ARVCF: variants seen among roughly 807,000 people sequenced by gnomAD.
The protein encoded by ARVCF is ARVCF delta catenin family member.
ARVCF carries 66 observed loss-of-function variants against 90.9 expected under a neutral mutation model. That is an observed-to-expected ratio of 0.73 (90% CI 0.60 to 0.89). The LOEUF (loss-of-function observed/expected upper bound fraction) is 0.89. Ranked by LOEUF, ARVCF falls within the 40% of genes least tolerant of loss-of-function variation. The pLI, the probability that ARVCF is intolerant of heterozygous loss-of-function variation, is 0.00. For synonymous variants in ARVCF, 653 were observed against 603.4 expected, an observed-to-expected ratio of 1.08 and a Z score of -1.21; for missense variants, 1,469 against 1,382.3, an observed-to-expected ratio of 1.06 and a Z score of -1.00.
chr22:19,969,719 G>C (rs1942637219), downstream of ARVCF: 5 of 548,424 alleles, frequency 9.1e-6, no homozygotes, highest in Non-Finnish European at 1.2e-5. Context: ...ACAGACCAGT[G>C]AGCCCAAGTG....
chr22:19,980,442 C>T, intron 5 of ARVCF, 200 bp from the exon 6 acceptor site: 6 of 777,280 alleles, frequency 7.7e-6, no homozygotes, highest in Non-Finnish European at 1.1e-5. Flanking sequence ...GAGCCAAATG[C>T]CAAACCCCAG....
chr22:19,990,809 C>A lies in ARVCF; in HGVS notation c.-15G>T. On this transcript the variant is annotated 5_prime_UTR_variant, in exon 3 of 20. Coordinates refer to ENST00000263207, the MANE Select transcript of ARVCF (RefSeq NM_001670.3). ...CAGTCCTCCATGACCAGAGCGCCCG[C>A]CAGCTGCAGGCAAAGCAGAGTAAGC... 6.5e-7 allele frequency: 1 copy of A among 1,546,816 alleles called. No homozygotes were observed. The highest frequency in any genetic ancestry group is 8.7e-7 in the Non-Finnish European group (1 of 1,143,564).
At chr22:19,967,528 CCT>C, downstream of ARVCF, 1 of 387,334 alleles carries the variant, frequency 2.6e-6, no homozygotes, top group Non-Finnish European at 5.1e-6. Context: ...ATGAAAGCCC[CCT>C]GCTTTCTCTG....
At chr22:19,968,522 C>CCG, downstream of ARVCF, 1 of 1,612,606 alleles carries the variant, frequency 6.2e-7, no homozygotes, top group South Asian at 1.1e-5. Flanking sequence ...CCCCACCCCC[C>CCG]GGTCTGTTTG....
At chr22:19,966,588 G>A (rs1236703582), downstream of ARVCF, among the ~76,000 whole-genome samples, 2 of 151,284 alleles carry the variant, frequency 1.3e-5, no homozygotes, top group Non-Finnish European at 2.9e-5. Flanking sequence ...CTAAAGGCAT[G>A]CACCACTACA....
At chr22:19,977,680 C>T (rs1025586162) in intron 8 of ARVCF, 94 bp from the exon 9 acceptor site, 82 of 1,447,670 alleles carry the variant, frequency 5.7e-5, no homozygotes, top group Non-Finnish European at 6.8e-5. Flanking sequence ...ATGAGGGCAC[C>T]GGGAGCAAAG....
At chr22:19,973,579 G>A (rs1942970921) in intron 13 of ARVCF, 64 bp downstream of exon 13, 2 of 1,552,010 alleles carry the variant, frequency 1.3e-6, no homozygotes, top group African/African-American at 2.7e-5. Context: ...AAGCCCCTCC[G>A]ATGGGACCCC....
intron 1 of ARVCF, among the ~76,000 whole-genome samples, chr22:20,016,082 C>CGAGGCGGCAGGAGCA (rs1945109116): frequency 6.6e-6 from 1 of 152,182 alleles, no homozygotes; most frequent in Non-Finnish European, 1.5e-5. Flanking sequence ...CTCTCACCCC[C>CGAGGCGGCAGGAGCA]GAGGCGGCAG....
chr22:19,969,019 T>C, downstream of ARVCF: 1 of 318,712 alleles, frequency 3.1e-6, no homozygotes, highest in Non-Finnish European at 6.0e-6. Flanking sequence ...AATCTAAATA[T>C]TTAGATATAA....
rs758305327 is a variant in ARVCF at position 19,981,718 on chromosome 22, G to A, written c.389C>T (p.Thr130Met). Reference protein sequence around the residue: ...TETKVTKTVKTVTTRTVRQVP... With the variant: ...TETKVTKTVKMVTTRTVRQVP... ...CTGGCGTACTGTCCGAGTGGTCACC[G>A]TCTTGACAGTCTTGGTGACCTGGTG... The change falls in exon 5 of 20, where the codon ACG becomes ATG. Residue 130 changes from threonine (T) to methionine (M), a missense_variant. Physicochemically the swap from Thr to Met is moderately conservative, Grantham distance 81. Transcript: ENST00000263207. 1.4e-5 allele frequency: 22 copies of A among 1,570,458 alleles called. No individual in the cohort carries two copies. The highest frequency in any genetic ancestry group is 6.8e-5 in the African/African-American group (5 of 73,808).
chr22:19,978,091 C>A lies in ARVCF; in HGVS notation c.1581-16G>T. On this transcript the variant is annotated splice_polypyrimidine_tract_variant and intron_variant, in intron 7 of 19. Transcript: ENST00000263207. ...GCTCACATTCCTGTGTGGCCAAGAG[C>A]AGGCCAGGTGACCCCTGGCTACCAG... 1 of 1,589,068 alleles carries A rather than the reference C, an allele frequency of 6.3e-7. No homozygotes were observed. The highest frequency in any genetic ancestry group is 8.6e-7 in the Non-Finnish European group (1 of 1,167,126).
chr22:19,998,692 C>T (rs895487866), intron 2 of ARVCF, among the ~76,000 whole-genome samples: 3 of 152,148 alleles, frequency 2.0e-5, no homozygotes, highest in African/African-American at 7.2e-5. Context: ...CAGGGGAGCT[C>T]CCGCCAGTCA....
intron 1 of ARVCF, among the ~76,000 whole-genome samples, chr22:20,015,171 G>A (rs534591329): frequency 6.6e-6 from 1 of 152,232 alleles, no homozygotes; most frequent in Non-Finnish European, 1.5e-5. Flanking sequence ...CTGGGCAGGG[G>A]CTGGCTTGGC....
At chr22:19,994,470 G>A (rs1944155125) in intron 2 of ARVCF, among the ~76,000 whole-genome samples, 1 of 131,826 alleles carries the variant, frequency 7.6e-6, no homozygotes. Flanking sequence ...ATGGATGGGT[G>A]GGTGGGGGGA....
chr22:19,979,517 G>T, intron 6 of ARVCF: 2 of 676,608 alleles, frequency 3.0e-6, no homozygotes, highest in Non-Finnish European at 4.8e-6. Flanking sequence ...GAGGGGACAT[G>T]CCCGAGGGGC....
downstream of ARVCF, among the ~76,000 whole-genome samples, chr22:19,968,382 C>T (rs530394675): frequency 1.7e-3 from 263 of 152,312 alleles, 2 homozygotes; most frequent in Non-Finnish European, 2.1e-4. Flanking sequence ...TCCTTTCCTG[C>T]AGGAGTCACG....
chr22:19,978,321 G>A (rs1601593909), intron 7 of ARVCF, among the ~76,000 whole-genome samples: 1 of 152,052 alleles, frequency 6.6e-6, no homozygotes, highest in African/African-American at 2.4e-5. Flanking sequence ...GAAAGACAGG[G>A]TTTCCCTGCC....
intron 2 of ARVCF, among the ~76,000 whole-genome samples, chr22:19,991,501 C>G (rs1016487973): frequency 6.6e-6 from 1 of 152,252 alleles, no homozygotes; most frequent in Admixed American, 6.5e-5. Context: ...CTGGCTGGGA[C>G]TGCATGAAGT....
intron 3 of ARVCF, among the ~76,000 whole-genome samples, chr22:19,989,131 C>T (rs543745225): frequency 1.3e-5 from 2 of 152,052 alleles, no homozygotes; most frequent in Non-Finnish European, 2.9e-5. Context: ...CTGGGCCCAG[C>T]GTTCTGCTTC....
Sources: gnomAD v4.1 joint callset for allele counts (sites outside exome capture counted in the v4.1 genomes callset) on GRCh38, gnomAD v4.1.1 for gene constraint, MANE v1.5 for transcripts, NCBI Gene and HGNC (gene_info 2026-07-23, HGNC 2026-07-21) for gene names.